Variants in CLSTN2 observed in about 807,000 individuals in gnomAD.
CLSTN2 encodes calsyntenin-2.
CLSTN2 carries 48 observed loss-of-function variants against 101.2 expected under a neutral mutation model. The ratio of observed to expected loss-of-function variants is 0.47; its 90% CI spans 0.38 to 0.60. CLSTN2 has a LOEUF of 0.60. Among genes scored for constraint, CLSTN2 ranks in the 20% least tolerant of loss-of-function variants. The pLI is 0.00. For synonymous variants in CLSTN2, 481 were observed against 463.6 expected (o/e 1.04, Z -0.48); for missense variants, 1,160 against 1,238.2 (o/e 0.94, Z 0.95).
intron 2 of CLSTN2, among the ~76,000 whole-genome samples, chr3:140,325,450 C>T (rs1021382141): frequency 6.6e-6 from 1 of 152,180 alleles, no homozygotes; most frequent in Non-Finnish European, 1.5e-5. Context: ...CCTCCTTCCC[C>T]AAACACCTTG....
intron 9 of CLSTN2, among the ~76,000 whole-genome samples, chr3:140,533,027 T>A (rs941927243): frequency 6.6e-6 from 1 of 152,206 alleles, no homozygotes; most frequent in African/African-American, 2.4e-5. Context: ...CTCAGTGCCT[T>A]CCCTGGCATC....
At chr3:140,021,070 A>G (rs1273191939) in intron 1 of CLSTN2, among the ~76,000 whole-genome samples, 2 of 152,192 alleles carry the variant, frequency 1.3e-5, no homozygotes, top group African/African-American at 4.8e-5. Flanking sequence ...GTGAGATAAT[A>G]ACTTTTACGA....
chr3:140,156,805 G>A (rs895961564), intron 1 of CLSTN2, among the ~76,000 whole-genome samples: 1 of 152,146 alleles, frequency 6.6e-6, no homozygotes, highest in Non-Finnish European at 1.5e-5. Flanking sequence ...CTGGGGTTAT[G>A]TCTGCATCAA....
rs559717436 is a variant in CLSTN2, at chr3:140,514,583, A to G, written c.1345-17741A>G. Among the ~76,000 whole-genome samples, 6 of 152,308 alleles carry G rather than the reference A, an allele frequency of 3.9e-5. No homozygotes were observed. The East Asian group carries it at 9.6e-4, about 24-fold the overall frequency. ...TTTTGCCATTGCAAATTGTGCTGCC[A>G]TTAACATGCGTGTCAAGTATCTTTT... On this transcript the variant is annotated intron_variant, in intron 8 of 16. Transcript: ENST00000458420.
intron 8 of CLSTN2, among the ~76,000 whole-genome samples, chr3:140,510,838 T>A (rs1030221980): frequency 6.6e-6 from 1 of 152,132 alleles, no homozygotes; most frequent in Non-Finnish European, 1.5e-5. Context: ...CTAACCAAAG[T>A]CTCTTTTTTT....
At chr3:139,986,335 G>A (rs998434031) in intron 1 of CLSTN2, among the ~76,000 whole-genome samples, 2 of 152,220 alleles carry the variant, frequency 1.3e-5, no homozygotes, top group Non-Finnish European at 2.9e-5. Flanking sequence ...TGAGGCACTA[G>A]ATATTAGGCT....
At position 140,361,524 on chromosome 3, in the gene CLSTN2, G is replaced by A. The variant is rs754062134; in HGVS notation, c.233-42105G>A. On this transcript the variant is annotated intron_variant, in intron 2 of 16. Transcript: ENST00000458420. ...AAAGATATTAAAGACATTTGGATTG[G>A]AAAGGAAGAAGTAAAACTATCTTTA... Among the ~76,000 whole-genome samples, 60 of 152,236 alleles carry A rather than the reference G, an allele frequency of 3.9e-4. 1 individual carries two copies. Among genetic ancestry groups the A allele is most frequent in the Non-Finnish European group, 6.0e-4 (41 of 67,990 alleles).
chr3:140,186,194 G>A (rs1037449552), intron 2 of CLSTN2, among the ~76,000 whole-genome samples: 4 of 152,118 alleles, frequency 2.6e-5, no homozygotes, highest in African/African-American at 9.7e-5. Context: ...CAAAATCAAT[G>A]ATATTGAGAA....
intron 1 of CLSTN2, among the ~76,000 whole-genome samples, chr3:140,066,767 G>A (rs2008306022): frequency 6.6e-6 from 1 of 152,178 alleles, no homozygotes; most frequent in South Asian, 2.1e-4. Context: ...TTCATCAGAT[G>A]CATTACCTTT....
chr3:140,302,924 G>A (rs545735580), intron 2 of CLSTN2, among the ~76,000 whole-genome samples: 8 of 152,258 alleles, frequency 5.3e-5, no homozygotes, highest in Non-Finnish European at 7.4e-5. Flanking sequence ...TGTCAGCCCC[G>A]GAGATGGGGC....
chr3:140,458,182 T>C (rs1933452446), intron 6 of CLSTN2, among the ~76,000 whole-genome samples: 1 of 151,774 alleles, frequency 6.6e-6, no homozygotes, highest in Non-Finnish European at 1.5e-5. Flanking sequence ...TTTTTTTTTT[T>C]TGTAGTGGCT....
chr3:140,250,106 G>T (rs1402969525), intron 2 of CLSTN2, among the ~76,000 whole-genome samples: 1 of 152,110 alleles, frequency 6.6e-6, no homozygotes, highest in Admixed American at 6.6e-5. Flanking sequence ...TTGTTTTTTG[G>T]AGGGATAAAG....
intron 2 of CLSTN2, among the ~76,000 whole-genome samples, chr3:140,236,029 G>T (rs1004581279): frequency 6.6e-6 from 1 of 152,094 alleles, no homozygotes; most frequent in Non-Finnish European, 1.5e-5. Flanking sequence ...GTGTCCCTGA[G>T]CAAGTGTTAG....
At chr3:140,124,192 T>C (rs938793625) in intron 1 of CLSTN2, among the ~76,000 whole-genome samples, 2 of 152,040 alleles carry the variant, frequency 1.3e-5, no homozygotes, top group Admixed American at 1.3e-4. Flanking sequence ...GGGTGGAAAC[T>C]GAGTGTATTG....
At chr3:140,472,431 A>G (rs1933870973) in intron 8 of CLSTN2, among the ~76,000 whole-genome samples, 1 of 152,218 alleles carries the variant, frequency 6.6e-6, no homozygotes, top group Non-Finnish European at 1.5e-5. Context: ...CAAATAGGTT[A>G]GTTCAATCAT....
intron 2 of CLSTN2, among the ~76,000 whole-genome samples, chr3:140,236,824 AGTGTGTGTGTGTGT>A (rs548988567): frequency 4.0e-5 from 5 of 125,736 alleles, no homozygotes; most frequent in African/African-American, 1.2e-4. Context: ...TATGTTATAT[AGTGTGTGTGTGTGT>A]GTGTGTGTGT....
intron 9 of CLSTN2, among the ~76,000 whole-genome samples, chr3:140,533,158 C>G (rs1304530094): frequency 6.6e-6 from 1 of 152,184 alleles, no homozygotes; most frequent in African/African-American, 2.4e-5. Context: ...TCAGGAAACC[C>G]GGCTCTCCAA....
chr3:140,507,122 C>G (rs994869327), intron 8 of CLSTN2: 1 of 152,010 alleles, frequency 6.6e-6, no homozygotes, highest in East Asian at 1.9e-4. Flanking sequence ...GGGCTCATGC[C>G]GAGAACCATG....
At position 140,317,926 on chromosome 3, in the gene CLSTN2, G is replaced by T. The variant is rs181909485; in HGVS notation, c.233-85703G>T. 1.2e-4 allele frequency among the ~76,000 whole-genome samples: 18 copies of T among 152,282 alleles called. No individual in the cohort carries two copies. The East Asian group carries it at 3.5e-3, about 29-fold the overall frequency. On this transcript the variant is annotated intron_variant, in intron 2 of 16. Coordinates refer to ENST00000458420, the MANE Select transcript of CLSTN2 (RefSeq NM_022131.3). ...ATGAAGGTCAGGACCACCTTGTGCT[G>T]CTGTGCAGGCAGTGCATCATATCAA... is the stretch of plus-strand genomic sequence containing the variant.
Sources: gnomAD v4.1 joint callset for allele counts (sites outside exome capture counted in the v4.1 genomes callset) on GRCh38, gnomAD v4.1.1 for gene constraint, MANE v1.5 for transcripts, NCBI Gene and HGNC (gene_info 2026-07-23, HGNC 2026-07-21) for gene names.